RTL4: variants seen among roughly 807,000 people sequenced by gnomAD.
RTL4 encodes retrotransposon Gag-like protein 4.
RTL4 carries 4 observed loss-of-function variants against 5.3 expected under a neutral mutation model. The ratio of observed to expected loss-of-function variants is 0.75; its 90% confidence interval spans 0.37 to 1.72. The LOEUF (loss-of-function observed/expected upper bound fraction) is 1.72, where lower values mean the gene tolerates loss of function less well. RTL4 is among the 40% of genes most tolerant of loss of function. The pLI, the probability that RTL4 is intolerant of heterozygous loss-of-function variation, is 0.04. For missense variants in RTL4, 260 were observed against 227.1 expected (o/e 1.14, Z -0.93); for synonymous variants, 98 against 87.3 (o/e 1.12, Z -0.68).
the RTL4 span, among the ~76,000 whole-genome samples, chrX:112,129,374 A>G: frequency 8.9e-6 from 1 of 112,346 alleles, no homozygotes; most frequent in Admixed American, 9.4e-5. Flanking sequence ...ACATTTACCC[A>G]CACAAAAACT....
chrX:112,364,588 C>T, the RTL4 span, among the ~76,000 whole-genome samples: 29 of 110,658 alleles, frequency 2.6e-4, 1 homozygote, highest in South Asian at 0.011. Context: ...CATGGGAGTG[C>T]AGGCAGTAAA....
At chrX:112,348,256 G>A in the RTL4 span, among the ~76,000 whole-genome samples, 1 of 109,677 alleles carries the variant, frequency 9.1e-6, no homozygotes, top group Non-Finnish European at 1.9e-5. Context: ...AATTTTGTTA[G>A]GTTGACTCTC....
At chrX:112,429,068 A>G in the RTL4 span, among the ~76,000 whole-genome samples, 2 of 111,622 alleles carry the variant, frequency 1.8e-5, no homozygotes, top group African/African-American at 6.5e-5. Flanking sequence ...TGTAGACAAC[A>G]TATACTTGGG....
At chrX:112,136,295 T>G in the RTL4 span, among the ~76,000 whole-genome samples, 902 of 111,915 alleles carry the variant, frequency 8.1e-3, 5 homozygotes, top group African/African-American at 0.028. Context: ...TCCTTCTTAC[T>G]TTCTAATTTG....
chrX:112,204,136 C>T, the RTL4 span, among the ~76,000 whole-genome samples: 2 of 112,445 alleles, frequency 1.8e-5, no homozygotes, highest in African/African-American at 6.5e-5. Flanking sequence ...TATCATCTCG[C>T]ACCAGTTAAA....
At chrX:112,328,070 C>T in the RTL4 span, among the ~76,000 whole-genome samples, 9 of 108,477 alleles carry the variant, frequency 8.3e-5, no homozygotes, top group Non-Finnish European at 1.5e-4. Flanking sequence ...ATGTAAAGAC[C>T]ATCGAGACTA....
At chrX:112,394,487 G>A in the RTL4 span, among the ~76,000 whole-genome samples, 1 of 110,876 alleles carries the variant, frequency 9.0e-6, no homozygotes, top group African/African-American at 3.3e-5. Flanking sequence ...CTATTGATTT[G>A]ATTATTTAAA....
At chrX:112,096,697 C>T in the RTL4 span, among the ~76,000 whole-genome samples, 1 of 111,628 alleles carries the variant, frequency 9.0e-6, no homozygotes. Flanking sequence ...AACCAACTAG[C>T]CATCCCCACA....
the RTL4 span, among the ~76,000 whole-genome samples, chrX:112,411,392 C>T: frequency 9.0e-6 from 1 of 111,336 alleles, no homozygotes; most frequent in Non-Finnish European, 1.9e-5. Context: ...CAGACAAAGA[C>T]ACATCAAAGA....
the RTL4 span, among the ~76,000 whole-genome samples, chrX:112,270,936 G>A: frequency 9.2e-6 from 1 of 109,175 alleles, no homozygotes; most frequent in African/African-American, 3.3e-5. Context: ...GCCTAGGCCA[G>A]CTGTGCCTAT....
chrX:112,453,926 A>T (rs904363653), upstream of RTL4, among the ~76,000 whole-genome samples: 2 of 111,528 alleles, frequency 1.8e-5, no homozygotes, highest in African/African-American at 6.5e-5. Context: ...TCTTGGGGGA[A>T]GTGCCATTTG....
chrX:112,379,953 G>GA, the RTL4 span, among the ~76,000 whole-genome samples: 6 of 110,898 alleles, frequency 5.4e-5, no homozygotes, highest in Non-Finnish European at 1.1e-4. Flanking sequence ...TCAATCACCT[G>GA]AAAAAATTTC....
chrX:112,181,665 A>G, the RTL4 span, among the ~76,000 whole-genome samples: 1 of 112,135 alleles, frequency 8.9e-6, no homozygotes, highest in Non-Finnish European at 1.9e-5. Flanking sequence ...CTCTGAAAGA[A>G]AGGCAGCAGC....
chrX:112,206,026 A>G, the RTL4 span, among the ~76,000 whole-genome samples: 2 of 111,908 alleles, frequency 1.8e-5, no homozygotes, highest in African/African-American at 6.5e-5. Context: ...CCCTGTGCAC[A>G]TTTTGAATGT....
the RTL4 span, among the ~76,000 whole-genome samples, chrX:112,146,219 G>T: frequency 2.7e-5 from 3 of 111,330 alleles, no homozygotes; most frequent in African/African-American, 9.8e-5. Flanking sequence ...GGCATAACAA[G>T]ACATGCTGAT....
chrX:112,132,303 G>C, the RTL4 span, among the ~76,000 whole-genome samples: 1 of 111,163 alleles, frequency 9.0e-6, no homozygotes, highest in Non-Finnish European at 1.9e-5. Context: ...AGATAAGCAG[G>C]CAGGCAGGCA....
chrX:112,262,435 A>G, the RTL4 span, among the ~76,000 whole-genome samples: 3 of 112,636 alleles, frequency 2.7e-5, no homozygotes, highest in East Asian at 8.4e-4. Context: ...CAACAGACAC[A>G]TGAAAAAATG....
chrX:112,083,117 G>A, the RTL4 span, among the ~76,000 whole-genome samples: 3 of 111,172 alleles, frequency 2.7e-5, no homozygotes, highest in Admixed American at 9.4e-5. Context: ...CTCCCCCCTC[G>A]GTACGGAATT....
At chrX:112,331,797 G>A in the RTL4 span, among the ~76,000 whole-genome samples, 1 of 89,941 alleles carries the variant, frequency 1.1e-5, no homozygotes, top group Non-Finnish European at 2.2e-5. Context: ...AGAAAATGTG[G>A]CACATATACA....
Sources: gnomAD v4.1 joint callset for allele counts (sites outside exome capture counted in the v4.1 genomes callset) on GRCh38, gnomAD v4.1.1 for gene constraint, MANE v1.5 for transcripts, NCBI Gene and HGNC (gene_info 2026-07-23, HGNC 2026-07-21) for gene names.